The following EVPL variants were observed in gnomAD, a reference collection of about 807,000 sequenced individuals.
EVPL encodes 210 kDa cornified envelope precursor protein.
EVPL carries 94 observed loss-of-function variants against 129.7 expected under a neutral mutation model. That is an observed-to-expected ratio of 0.72 (90% CI 0.61 to 0.86). The LOEUF (loss-of-function observed/expected upper bound fraction) is 0.86, where lower values mean the gene tolerates loss of function less well. EVPL is among the 40% of genes least tolerant of loss of function. The pLI is 0.00. For missense variants in EVPL, 2,625 were observed against 2,721.1 expected, an observed-to-expected ratio of 0.96 and a Z score of 0.79; for synonymous variants, 1,172 against 1,191.1, an observed-to-expected ratio of 0.98 and a Z score of 0.33.
intron 10 of EVPL, 136 bp from the exon 11 acceptor site, chr17:76,019,196 C>G: frequency 4.1e-6 from 4 of 975,926 alleles, no homozygotes; most frequent in Non-Finnish European, 5.6e-6. Context: ...GTAAAAGGAG[C>G]CCCTCTCTGG....
intron 12 of EVPL, 59 bp downstream of exon 12, chr17:76,018,387 C>A (rs2071194): frequency 0.65 from 1,011,254 of 1,553,980 alleles, 330,740 homozygotes; most frequent in South Asian, 0.71. Context: ...GGCTTGGACA[C>A]CGCAGGGCCG....
chr17:76,007,910 C>T lies in EVPL; in HGVS notation c.5295G>A (p.Leu1765=), dbSNP rs868343584. The T allele has an allele frequency of 1.8e-5, 29 of 1,614,136 alleles. No homozygotes were observed. The Middle Eastern group carries it at 9.9e-4, about 55-fold the overall frequency. The change falls in exon 22 of 22, where the codon CTG becomes CTA. Residue 1765 remains leucine, a synonymous_variant. Coordinates refer to ENST00000301607, the MANE Select transcript of EVPL (RefSeq NM_001988.4). The surrounding 1 kb of genome is among the most constrained non-coding windows in gnomAD (Gnocchi z 8.8). ...AGATGGGCAGGTGGCCGTCCTTGTA[C>T]AGATGGTACTCCTCCTTAGAGATGC... The part of the protein sequence containing the change: ...CRRISKEEYH[L]YKDGHLPISE...
At chr17:76,023,764 C>G (rs2066480170) in intron 2 of EVPL, 110 bp from the exon 3 acceptor site, 2 of 1,439,208 alleles carry the variant, frequency 1.4e-6, no homozygotes, top group Non-Finnish European at 9.1e-7. Flanking sequence ...TGCTAGCCAA[C>G]CTTGAGGCCC....
At position 76,018,538 on chromosome 17, in the gene EVPL, G is replaced by A. The variant is rs140458042; in HGVS notation, c.1347C>T (p.Val449=). The A allele has an allele frequency of 5.3e-3, 8,622 of 1,612,664 alleles. 32 individuals carry two copies. The highest frequency in any genetic ancestry group is 0.022 in the Middle Eastern group (131 of 6,058). Reference sequence around the variant, plus strand: ...TGGTCTCCCCGCCAGGGCCCTGCACGACCCAGGCGTGCGGGTCAGTGTTAT... The same window carrying A: ...TGGTCTCCCCGCCAGGGCCCTGCACAACCCAGGCGTGCGGGTCAGTGTTAT... ...LVDNTDPHAW[V]VQGPGGETKR... is the part of the protein sequence containing the mutation. Residue 449 remains valine (V), a synonymous_variant, in exon 12 of 22, where the codon GTC becomes GTT. Coordinates refer to ENST00000301607, the MANE Select transcript of EVPL (RefSeq NM_001988.4).
At chr17:76,020,358 C>T (rs1261112523) in intron 9 of EVPL, among the ~76,000 whole-genome samples, 2 of 152,200 alleles carry the variant, frequency 1.3e-5, no homozygotes, top group African/African-American at 4.8e-5. Flanking sequence ...TGGTCTTCGT[C>T]CTTCCTGCAC....
At position 76,010,560 on chromosome 17, in the gene EVPL, G is replaced by A; in HGVS notation, c.2662-17C>T. 6.2e-7 allele frequency: 1 copy of A among 1,602,288 alleles called. No homozygotes were observed. The highest frequency in any genetic ancestry group is 1.1e-5 in the South Asian group (1 of 90,440). On this transcript the variant is annotated splice_polypyrimidine_tract_variant and intron_variant, in intron 21 of 21. Coordinates refer to ENST00000301607, the MANE Select transcript of EVPL (RefSeq NM_001988.4). ...GAGCTCCTTCTGCAGAGAGGAAGAA[G>A]GGTAGAGCACGGGGTGGGCGGTAGA...
In EVPL at chr17:76,008,078, G is replaced by C. The variant is rs184961349; in HGVS notation, c.5127C>G (p.Asp1709Glu). ...PYEAYKRGII[D>E]RGQYLQLQEL... ...CCTGCAGCTGCAAGTACTGGCCCCTGTCGATGATGCCCCTCTTGTAGGCCT... is the reference window on the plus strand; with the variant it reads ...CCTGCAGCTGCAAGTACTGGCCCCTCTCGATGATGCCCCTCTTGTAGGCCT... The change falls in exon 22 of 22, where the codon GAC becomes GAG. Residue 1709 changes from aspartate to glutamate, a missense_variant. Physicochemically the swap from Asp to Glu is conservative, Grantham distance 45. Coordinates refer to ENST00000301607, the MANE Select transcript of EVPL (RefSeq NM_001988.4). The surrounding 1 kb of genome is among the most constrained non-coding windows in gnomAD (Gnocchi z 7.4). 1.2e-6 allele frequency: 2 copies of C among 1,614,088 alleles called. No individual in the cohort carries two copies. The highest frequency in any genetic ancestry group is 4.5e-5 in the East Asian group (2 of 44,870).
At chr17:76,020,404 C>G (rs2144430045) in intron 9 of EVPL, among the ~76,000 whole-genome samples, 1 of 152,290 alleles carries the variant, frequency 6.6e-6, no homozygotes, top group South Asian at 2.1e-4. Context: ...CCCTCCAGCA[C>G]CTGAAGTCTT....
In EVPL at chr17:76,008,561, C is replaced by A; in HGVS notation, c.4644G>T (p.Thr1548=). The change falls in exon 22 of 22, where the codon ACG becomes ACT. Residue 1548 remains threonine, a synonymous_variant. Coordinates refer to ENST00000301607, the MANE Select transcript of EVPL (RefSeq NM_001988.4). The surrounding 1 kb of genome is among the most constrained non-coding windows in gnomAD (Gnocchi z 7.4). ...RVWEMLNRER[T]ARQAREEEAR... ...CCTCCTCCTCCCGGGCCTGCCGGGC[C>A]GTGCGCTCCCTGTTGAGCATCTCCC... 2 of 1,609,562 alleles carry A rather than the reference C, an allele frequency of 1.2e-6. No individual in the cohort carries two copies. The highest frequency in any genetic ancestry group is 2.2e-5 in the East Asian group (1 of 44,870).
At chr17:76,018,811 G>A (rs1296834012) in intron 11 of EVPL, 103 bp downstream of exon 11, 27 of 1,378,336 alleles carry the variant, frequency 2.0e-5, no homozygotes, top group Non-Finnish European at 2.2e-5. Flanking sequence ...AAAAGTGGGC[G>A]CAGGAGACAG....
In EVPL at chr17:76,015,374, G is replaced by A; in HGVS notation, c.1890-9C>T. On this transcript the variant is annotated splice_polypyrimidine_tract_variant and intron_variant, in intron 15 of 21. Coordinates refer to ENST00000301607, the MANE Select transcript of EVPL (RefSeq NM_001988.4). ...CCAGGGCAGCCTTGGCTCTGCCGCAGAGGAGGCAAGGCTCAGACACTCCCT... is the reference window on the plus strand; with the variant it reads ...CCAGGGCAGCCTTGGCTCTGCCGCAAAGGAGGCAAGGCTCAGACACTCCCT... The A allele has an allele frequency of 6.2e-7, 1 of 1,603,084 alleles. No homozygotes were observed.
Position 76,011,566 on chromosome 17 carries a change from G to A in EVPL, c.2661+10C>T. On this transcript the variant is annotated intron_variant, in intron 21 of 21. Transcript: ENST00000301607. ...CTATTGTGGGAAAGCTGTAGGTGTT[G>A]TCTGTGTACCTTCTCCAGCATTTTT... The A allele has an allele frequency of 6.2e-7, 1 of 1,611,198 alleles. No homozygotes were observed. The highest frequency in any genetic ancestry group is 8.5e-7 in the Non-Finnish European group (1 of 1,177,282).
Position 76,010,419 on chromosome 17 carries a change from G to A in EVPL, c.2786C>T (p.Ala929Val), listed in dbSNP as rs144336988. 1,062 of 1,613,904 alleles carry A rather than the reference G, an allele frequency of 6.6e-4. 1 individual carries two copies. In the African/African-American group the frequency reaches 0.013, roughly 20 times the overall value. Residue 929 changes from alanine (A) to valine (V), a missense_variant, in exon 22 of 22, where the codon GCC becomes GTC. Ala to Val is a moderately conservative substitution (Grantham distance 64). Around this residue, in one of 4 missense-constraint regions of EVPL, gnomAD observed 1,453 missense variants for 1,511.8 expected, o/e 0.96. Coordinates refer to ENST00000301607, the MANE Select transcript of EVPL (RefSeq NM_001988.4). The stretch of plus-strand genomic sequence containing the variant: ...CGCCTCCAGCTCATGCTGCACCCGG[G>A]CCACCCGCTTCCTCTCCTCTTCCAG... ...AQLEEERKRV[A>V]RVQHELEAQR...
chr17:76,023,973 A>G (rs1160701512), intron 2 of EVPL, 48 bp downstream of exon 2: 1 of 1,575,308 alleles, frequency 6.3e-7, no homozygotes, highest in Admixed American at 1.8e-5. Context: ...TGGGCCTCCC[A>G]TGCCACCCAG....
intron 18 of EVPL, among the ~76,000 whole-genome samples, chr17:76,012,547 G>A (rs1286539045): frequency 4.0e-5 from 6 of 151,782 alleles, no homozygotes; most frequent in Non-Finnish European, 7.4e-5. Context: ...CGCCAGCCTC[G>A]GCCTCCCAAA....
chr17:76,012,306 TTTCC>T (rs2066383729), intron 18 of EVPL: 1 of 406,926 alleles, frequency 2.5e-6, no homozygotes, highest in Non-Finnish European at 4.1e-6. Context: ...AATCCCTTTC[TTTCC>T]TTTTTTTTTT....
In EVPL at chr17:76,018,574, A is replaced by G; in HGVS notation, c.1311T>C (p.Tyr437=). ...GCGGGTCAGTGTTATCTACCAGCTT[A>G]TACCGCTCACCCTGCAGCAGCTGCA... The part of the protein sequence containing the change: ...GEVQLLQGER[Y]KLVDNTDPHA... The change falls in exon 12 of 22, where the codon TAT becomes TAC. Residue 437 remains tyrosine (Y), a synonymous_variant. Coordinates refer to ENST00000301607, the MANE Select transcript of EVPL (RefSeq NM_001988.4). 1 of 1,608,416 alleles carries G rather than the reference A, an allele frequency of 6.2e-7. No individual in the cohort carries two copies. The highest frequency in any genetic ancestry group is 1.1e-5 in the South Asian group (1 of 90,708).
At chr17:76,012,870 G>A (rs1020409883) in intron 18 of EVPL, among the ~76,000 whole-genome samples, 2 of 150,414 alleles carry the variant, frequency 1.3e-5, no homozygotes, top group Non-Finnish European at 2.9e-5. Flanking sequence ...TCAGCCTCTC[G>A]AGTAGCCGGG....
rs2066469712 is a variant in EVPL, at chr17:76,022,528, CA to C, written c.490del (p.Cys164AlafsTer52). On this transcript the variant is annotated frameshift_variant, in exon 5 of 22. Coordinates refer to ENST00000301607, the MANE Select transcript of EVPL (RefSeq NM_001988.4). LOFTEE classifies it high-confidence loss of function. The surrounding 1 kb of genome is among the most constrained non-coding windows in gnomAD (Gnocchi z 5.6). ...RVLEQKQKQV[C>X]AGQYGPGMAE... is the part of the protein sequence containing the mutation. ...CATGCCCGGCCCGTACTGGCCTGCG[CA>C]GACCTGCTTCTGCAGGAGAGCCGGC... The C allele has an allele frequency of 1.2e-6, 2 of 1,606,950 alleles. No homozygotes were observed. The highest frequency in any genetic ancestry group is 1.3e-5 in the African/African-American group (1 of 75,008).
Sources: allele counts gnomAD v4.1 joint callset (sites outside exome capture counted in the v4.1 genomes callset), GRCh38; gene constraint gnomAD v4.1.1; regional missense constraint gnomAD v4.1.1; non-coding constraint Gnocchi (gnomAD v3.1); transcripts MANE v1.5; gene names NCBI Gene and HGNC (gene_info 2026-07-23, HGNC 2026-07-21).